Variants in OR10J1 observed in about 807,000 individuals in gnomAD.
OR10J1 encodes olfactory receptor family 10 subfamily J member 1.
For synonymous variants in OR10J1, 202 were observed against 143.8 expected (o/e 1.40, Z -2.89); for missense variants, 474 against 376.6 (o/e 1.26, Z -2.14).
At chr1:159,430,349 G>A in the OR10J1 span, among the ~76,000 whole-genome samples, 1 of 152,126 alleles carries the variant, frequency 6.6e-6, no homozygotes, top group Non-Finnish European at 1.5e-5. Context: ...CTTCATAGCA[G>A]TCTCTGAGAT....
At chr1:159,414,663 A>G in the OR10J1 span, among the ~76,000 whole-genome samples, 5 of 152,106 alleles carry the variant, frequency 3.3e-5, no homozygotes, top group Non-Finnish European at 7.4e-5. Context: ...GAGAAATGTC[A>G]TACTGTTTTC....
the OR10J1 span, among the ~76,000 whole-genome samples, chr1:159,399,570 CAA>C: frequency 0.12 from 6,918 of 55,550 alleles, 79 homozygotes; most frequent in Admixed American, 0.18. Flanking sequence ...GATTCTGTCT[CAA>C]AAAAAAAAAA....
the OR10J1 span, among the ~76,000 whole-genome samples, chr1:159,428,909 G>A: frequency 0.026 from 4,012 of 152,290 alleles, 174 homozygotes; most frequent in African/African-American, 0.092. Context: ...TACTTAGAGA[G>A]TCCTTAAGAG....
chr1:159,420,208 G>T, the OR10J1 span, among the ~76,000 whole-genome samples: 1 of 151,976 alleles, frequency 6.6e-6, no homozygotes, highest in Non-Finnish European at 1.5e-5. Flanking sequence ...CAGTCTACAC[G>T]CTTCTTTCCT....
chr1:159,422,255 G>A, the OR10J1 span, among the ~76,000 whole-genome samples: 10 of 152,270 alleles, frequency 6.6e-5, no homozygotes, highest in East Asian at 1.9e-3. Flanking sequence ...TTTGTAGGGA[G>A]AGACAGGGTG....
At chr1:159,430,239 A>G in the OR10J1 span, among the ~76,000 whole-genome samples, 1 of 152,012 alleles carries the variant, frequency 6.6e-6, no homozygotes, top group East Asian at 1.9e-4. Context: ...AAGCTTCCAA[A>G]GCCTAAATGC....
the OR10J1 span, among the ~76,000 whole-genome samples, chr1:159,418,949 G>A: frequency 6.6e-6 from 1 of 152,188 alleles, no homozygotes; most frequent in African/African-American, 2.4e-5. Context: ...ACTGCCCCAT[G>A]GGATTTCAGA....
chr1:159,432,598 A>G, the OR10J1 span: 1 of 470,442 alleles, frequency 2.1e-6, no homozygotes, highest in East Asian at 3.1e-5. Flanking sequence ...AACCCTCTAC[A>G]GTATTCAGTC....
chr1:159,400,035 A>T, the OR10J1 span, among the ~76,000 whole-genome samples: 1 of 152,120 alleles, frequency 6.6e-6, no homozygotes, highest in Non-Finnish European at 1.5e-5. Context: ...TACACAAAAA[A>T]TAAAAAAGGA....
rs758244074 is a variant in OR10J1, at chr1:159,440,435, T to A, written c.644T>A (p.Ile215Asn). 2 of 1,614,062 alleles carry A rather than the reference T, an allele frequency of 1.2e-6. No homozygotes were observed. The highest frequency in any genetic ancestry group is 4.5e-5 in the East Asian group (2 of 44,894). The stretch of plus-strand genomic sequence containing the variant: ...GTTGTACCTATGGGTCTGGTTTTCA[T>A]TTCTTATGTTCTCATTATCTCTACA... ...VLVVPMGLVF[I>N]SYVLIISTIL... Residue 215 changes from isoleucine (I) to asparagine (N), a missense_variant, in exon 1 of 1, where the codon ATT becomes AAT. Transcript: ENST00000423932.
At chr1:159,435,947 T>C (rs1439031644), upstream of OR10J1, among the ~76,000 whole-genome samples, 2 of 152,346 alleles carry the variant, frequency 1.3e-5, no homozygotes, top group Admixed American at 6.5e-5. Context: ...GGACTTTCTG[T>C]ACATCCCTAA....
the OR10J1 span, among the ~76,000 whole-genome samples, chr1:159,406,776 A>G: frequency 5.9e-5 from 9 of 152,158 alleles, no homozygotes; most frequent in African/African-American, 2.2e-4. Flanking sequence ...AGGCAGAGAT[A>G]GTGAATGTTG....
At chr1:159,420,373 C>T in the OR10J1 span, among the ~76,000 whole-genome samples, 1 of 151,914 alleles carries the variant, frequency 6.6e-6, no homozygotes, top group Non-Finnish European at 1.5e-5. Flanking sequence ...TAATTGATTT[C>T]TGGTTGTTTT....
the OR10J1 span, among the ~76,000 whole-genome samples, chr1:159,430,249 C>T: frequency 6.6e-6 from 1 of 151,782 alleles, no homozygotes; most frequent in Non-Finnish European, 1.5e-5. Flanking sequence ...AGCCTAAATG[C>T]CTTATCCAGC....
At chr1:159,411,071 T>C in the OR10J1 span, among the ~76,000 whole-genome samples, 1 of 152,164 alleles carries the variant, frequency 6.6e-6, no homozygotes, top group Non-Finnish European at 1.5e-5. Flanking sequence ...AGACAGTTTG[T>C]TATAATTTCT....
At chr1:159,403,937 A>G in the OR10J1 span, among the ~76,000 whole-genome samples, 10 of 152,176 alleles carry the variant, frequency 6.6e-5, 1 homozygote, top group South Asian at 2.1e-3. Context: ...AGCCATAAAA[A>G]AAGAATGCAA....
the OR10J1 span, among the ~76,000 whole-genome samples, chr1:159,409,276 C>A: frequency 1.3e-5 from 2 of 151,994 alleles, no homozygotes; most frequent in Non-Finnish European, 2.9e-5. Flanking sequence ...AATTTACCTG[C>A]GCTGCATGAA....
At chr1:159,434,450 G>A (rs1157351667), upstream of OR10J1, among the ~76,000 whole-genome samples, 1 of 152,016 alleles carries the variant, frequency 6.6e-6, no homozygotes, top group East Asian at 1.9e-4. Flanking sequence ...AAAATACTTT[G>A]GTGCATCCCT....
the OR10J1 span, among the ~76,000 whole-genome samples, chr1:159,412,765 A>G: frequency 2.0e-5 from 3 of 151,818 alleles, no homozygotes; most frequent in Non-Finnish European, 4.4e-5. Flanking sequence ...ACCATTCAGG[A>G]CATAGGGATG....
Sources: gnomAD v4.1 joint callset for allele counts (sites outside exome capture counted in the v4.1 genomes callset) on GRCh38, gnomAD v4.1.1 for gene constraint, MANE v1.5 for transcripts, NCBI Gene and HGNC (gene_info 2026-07-23, HGNC 2026-07-21) for gene names.